ACVR1C: variants seen among roughly 807,000 people sequenced by gnomAD.
ACVR1C encodes the protein activin A receptor type 1C, also known as activin receptor type-1C.
Under a neutral mutation model 57.9 loss-of-function variants are expected in ACVR1C, and 23 were observed. The ratio of observed to expected loss-of-function variants is 0.40; its 90% confidence interval spans 0.29 to 0.56. The LOEUF (loss-of-function observed/expected upper bound fraction) is 0.56. Among genes scored for constraint, ACVR1C ranks in the 20% least tolerant of loss-of-function variants. ACVR1C has a pLI of 0.50. For missense variants in ACVR1C, 480 were observed against 607.9 expected (o/e 0.79, Z 2.21); for synonymous variants, 214 against 215.3 (o/e 0.99, Z 0.05).
rs1372285318 is a variant in ACVR1C, at chr2:157,550,391, A to G, written c.546T>C (p.Gly182=). ...TTGTCCTTTGAACCAACAGAGGTAG[A>G]CCTAACCAAAGAAAAGATGGAATTG... The part of the protein sequence containing the change: ...YDVTASGSGS[G]LPLLVQRTIA... The change falls in exon 4 of 9, where the codon GGT becomes GGC. Residue 182 remains glycine, a splice_region_variant and synonymous_variant. Transcript: ENST00000243349. The G allele has an allele frequency of 1.2e-6, 2 of 1,611,710 alleles. No individual in the cohort carries two copies. The highest frequency in any genetic ancestry group is 1.7e-6 in the Non-Finnish European group (2 of 1,178,000).
intron 2 of ACVR1C, among the ~76,000 whole-genome samples, chr2:157,572,274 T>TGA (rs1688529605): frequency 7.1e-6 from 1 of 141,276 alleles, no homozygotes; most frequent in African/African-American, 2.7e-5. Context: ...CTAGATGACA[T>TGA]GTTAGTGGGT....
At chr2:157,555,180 G>T (rs1002478503) in intron 3 of ACVR1C, among the ~76,000 whole-genome samples, 1 of 131,814 alleles carries the variant, frequency 7.6e-6, no homozygotes, top group African/African-American at 3.0e-5. Context: ...CTGCAGTGGC[G>T]CAATCTCGGC....
rs115944238 is a variant in ACVR1C at position 157,585,570 on chromosome 2, A to G, written c.304+1617T>C. On this transcript the variant is annotated intron_variant, in intron 2 of 8. Coordinates refer to ENST00000243349, the MANE Select transcript of ACVR1C (RefSeq NM_145259.3). Reference sequence around the variant, plus strand: ...ATAGTCAAAGAATGTAGTCTTGAGGATCATTCACTATTGGGAAGATACATT... The same window carrying G: ...ATAGTCAAAGAATGTAGTCTTGAGGGTCATTCACTATTGGGAAGATACATT... Among the ~76,000 whole-genome samples the G allele has an allele frequency of 6.3e-3, 962 of 152,264 alleles. 9 individuals carry two copies. Among genetic ancestry groups the G allele is most frequent in the African/African-American group, 0.021 (859 of 41,550 alleles).
At chr2:157,590,964 T>C (rs1302267134) in intron 1 of ACVR1C, among the ~76,000 whole-genome samples, 1 of 152,002 alleles carries the variant, frequency 6.6e-6, no homozygotes, top group Admixed American at 6.6e-5. Flanking sequence ...TTGTGGAGAA[T>C]AAATTAGTTA....
At chr2:157,537,523 G>C (rs182517906) in intron 8 of ACVR1C, among the ~76,000 whole-genome samples, 186 of 151,850 alleles carry the variant, frequency 1.2e-3, no homozygotes, top group African/African-American at 4.3e-3. Flanking sequence ...TTTTGAATTA[G>C]AAATTAGAAA....
chr2:157,602,993 C>T (rs1052275633), intron 1 of ACVR1C, among the ~76,000 whole-genome samples: 4 of 152,156 alleles, frequency 2.6e-5, no homozygotes, highest in African/African-American at 9.7e-5. Flanking sequence ...CATCTTCAGT[C>T]AGCTTTTCAG....
chr2:157,585,274 A>G (rs1688891470), intron 2 of ACVR1C, among the ~76,000 whole-genome samples: 1 of 152,222 alleles, frequency 6.6e-6, no homozygotes. Flanking sequence ...TTCATCACAC[A>G]TATTCTCGAT....
rs1168144490 is a variant in ACVR1C at position 157,625,496 on chromosome 2, C to G, written c.73+3076G>C. Among the ~76,000 whole-genome samples the G allele has an allele frequency of 2.0e-5, 3 of 151,822 alleles. No homozygotes were observed. The East Asian group carries it at 5.8e-4, about 30-fold the overall frequency. ...AGGGCAAAGATGGCAACATCTTTTG[C>G]ATTTATAAACTCAGTCAGCCCTGAG... On this transcript the variant is annotated intron_variant, in intron 1 of 8. Coordinates refer to ENST00000243349, the MANE Select transcript of ACVR1C (RefSeq NM_145259.3).
At position 157,530,708 on chromosome 2, in the gene ACVR1C, C is replaced by T. The variant is rs966537429; in HGVS notation, c.*3210G>A. 1.3e-5 allele frequency: 2 copies of T among 152,010 alleles called. No homozygotes were observed. Among genetic ancestry groups the T allele is most frequent in the Non-Finnish European group, 1.5e-5 (1 of 67,946 alleles). The allele number at this position is 152,010 out of a possible 1,614,324, so 9.4% of individuals were successfully genotyped here. On this transcript the variant is annotated 3_prime_UTR_variant, in exon 9 of 9. Coordinates refer to ENST00000243349, the MANE Select transcript of ACVR1C (RefSeq NM_145259.3). ...AAAGTATAAAGATGAAAAGCAAGTG[C>T]TATGCCTAAAATAGTGCACGACAGT... is the stretch of plus-strand genomic sequence containing the variant.
At chr2:157,543,431 C>T (rs1573906270) in intron 5 of ACVR1C, among the ~76,000 whole-genome samples, 1 of 151,992 alleles carries the variant, frequency 6.6e-6, no homozygotes, top group East Asian at 1.9e-4. Flanking sequence ...TAAAACAAAA[C>T]CATTATTTTC....
At chr2:157,544,843 T>C (rs529539421) in intron 4 of ACVR1C, among the ~76,000 whole-genome samples, 2 of 152,282 alleles carry the variant, frequency 1.3e-5, no homozygotes, top group South Asian at 2.1e-4. Flanking sequence ...AGTTGTGAGG[T>C]TGTGATTGAT....
At chr2:157,538,773 C>T in intron 7 of ACVR1C, 70 bp from the exon 8 acceptor site, 2 of 1,310,956 alleles carry the variant, frequency 1.5e-6, no homozygotes, top group Admixed American at 6.0e-5. Context: ...TAAATAATAC[C>T]AATTAAGTTT....
chr2:157,537,145 ACAACATATT>A (rs1687509178), intron 8 of ACVR1C, among the ~76,000 whole-genome samples: 2 of 152,224 alleles, frequency 1.3e-5, no homozygotes, highest in Admixed American at 1.3e-4. Context: ...GCAAAAGTAA[ACAACATATT>A]GTTATTCTGG....
At chr2:157,537,639 A>G (rs1687521312) in intron 8 of ACVR1C, among the ~76,000 whole-genome samples, 1 of 152,212 alleles carries the variant, frequency 6.6e-6, no homozygotes, top group African/African-American at 2.4e-5. Context: ...AAACAAAGCC[A>G]GACTAAAAGA....
chr2:157,528,223 T>G lies in ACVR1C; in HGVS notation c.*5695A>C, dbSNP rs953099462. On this transcript the variant is annotated 3_prime_UTR_variant, in exon 9 of 9. Transcript: ENST00000243349. ...GCACCTGCCCCTCAGCTGGGAAGAT[T>G]TATATAGAGCACAACAGGCCTGACT... 2 of 152,114 alleles carry G rather than the reference T, an allele frequency of 1.3e-5. No individual in the cohort carries two copies. Among genetic ancestry groups the G allele is most frequent in the Non-Finnish European group, 2.9e-5 (2 of 68,036 alleles). 9.4% of individuals were successfully genotyped at this position (152,114 alleles called of 1,614,324 possible). A position where few individuals can be genotyped will look rare whatever the true frequency, so the allele number is the denominator to read the frequency against.
At chr2:157,598,003 CT>C (rs1682178980) in intron 1 of ACVR1C, among the ~76,000 whole-genome samples, 1 of 152,080 alleles carries the variant, frequency 6.6e-6, no homozygotes, top group South Asian at 2.1e-4. Context: ...AATTAAGCCC[CT>C]AATGTGTATT....
intron 2 of ACVR1C, among the ~76,000 whole-genome samples, chr2:157,579,445 G>C (rs1333099385): frequency 1.3e-5 from 2 of 152,180 alleles, no homozygotes; most frequent in South Asian, 2.1e-4. Context: ...ATTAGTTACT[G>C]TATTTTTAAT....
intron 1 of ACVR1C, among the ~76,000 whole-genome samples, chr2:157,592,970 A>G (rs1198331764): frequency 6.6e-6 from 1 of 152,058 alleles, no homozygotes; most frequent in East Asian, 1.9e-4. Flanking sequence ...TACCCATAAT[A>G]AGGAGGTTTA....
chr2:157,592,528 C>CGGGA (rs1246567016), intron 1 of ACVR1C, among the ~76,000 whole-genome samples: 14 of 152,058 alleles, frequency 9.2e-5, no homozygotes, highest in African/African-American at 2.9e-4. Flanking sequence ...TACATGTTCC[C>CGGGA]ATTTATTCCA....
Sources: allele counts gnomAD v4.1 joint callset (sites outside exome capture counted in the v4.1 genomes callset), GRCh38; gene constraint gnomAD v4.1.1; transcripts MANE v1.5; gene names NCBI Gene and HGNC (gene_info 2026-07-23, HGNC 2026-07-21).